Variants in RBFOX1 observed in about 807,000 individuals in gnomAD.
RBFOX1 encodes RNA binding fox-1 homolog 1.
Under a neutral mutation model 57.7 loss-of-function variants are expected in RBFOX1, and 8 were observed. That is an observed-to-expected ratio of 0.14 (90% confidence interval 0.08 to 0.25). The LOEUF (loss-of-function observed/expected upper bound fraction) is 0.25. Among genes scored for constraint, RBFOX1 ranks in the 10% least tolerant of loss-of-function variants. The pLI is 1.00. For missense variants in RBFOX1, 611 were observed against 548.5 expected (o/e 1.11, Z -1.14); for synonymous variants, 326 against 222.4 (o/e 1.47, Z -4.15).
At chr16:7,181,370 T>C (rs962296637) in intron 4 of RBFOX1, among the ~76,000 whole-genome samples, 2 of 152,168 alleles carry the variant, frequency 1.3e-5, no homozygotes, top group African/African-American at 4.8e-5. Context: ...TTTCCCTACC[T>C]TGTAATATTT....
At chr16:6,975,042 A>C (rs955775948) in intron 3 of RBFOX1, among the ~76,000 whole-genome samples, 1 of 152,056 alleles carries the variant, frequency 6.6e-6, no homozygotes, top group African/African-American at 2.4e-5. Context: ...TTTTCTTTTG[A>C]TCCAATTGTT....
At chr16:6,142,795 C>G (rs2096728891) in intron 1 of RBFOX1, among the ~76,000 whole-genome samples, 1 of 152,196 alleles carries the variant, frequency 6.6e-6, no homozygotes, top group African/African-American at 2.4e-5. Context: ...CTGTTAGTAG[C>G]TGAGATCTCC....
chr16:7,485,372 C>T (rs1194249591), intron 4 of RBFOX1, among the ~76,000 whole-genome samples: 1 of 152,246 alleles, frequency 6.6e-6, no homozygotes, highest in Non-Finnish European at 1.5e-5. Flanking sequence ...TTCCCATCCT[C>T]TGCAGTTTAC....
intron 2 of RBFOX1, among the ~76,000 whole-genome samples, chr16:6,651,189 A>G (rs940836092): frequency 3.9e-5 from 6 of 152,114 alleles, no homozygotes; most frequent in African/African-American, 1.4e-4. Context: ...GGCGTGAGCC[A>G]CCACACCCGG....
At chr16:5,288,610 A>G (rs1596403429) in intron 1 of RBFOX1, among the ~76,000 whole-genome samples, 1 of 141,000 alleles carries the variant, frequency 7.1e-6, no homozygotes, top group South Asian at 2.4e-4. Context: ...TGGCAGCCCC[A>G]CATCTTGTTT....
intron 3 of RBFOX1, among the ~76,000 whole-genome samples, chr16:5,688,220 T>A (rs1377188695): frequency 6.6e-6 from 1 of 152,232 alleles, no homozygotes; most frequent in African/African-American, 2.4e-5. Context: ...TGCTGCTAAG[T>A]AGAATTTCAT....
At chr16:6,930,444 C>G (rs547598138) in intron 3 of RBFOX1, among the ~76,000 whole-genome samples, 50 of 152,276 alleles carry the variant, frequency 3.3e-4, no homozygotes, top group African/African-American at 1.2e-3. Flanking sequence ...CAGTCTCACT[C>G]TGTCACCCAG....
rs570272359 is a variant in RBFOX1 at position 6,454,421 on chromosome 16, G to A, written c.-64+137364G>A. On this transcript the variant is annotated intron_variant, in intron 2 of 15. Transcript: ENST00000550418. ...AAAATACAAAAATTAGCTGGGTGTG[G>A]TGGTATGTGCCTGTGGTCCCAGCTA... 5.9e-5 allele frequency among the ~76,000 whole-genome samples: 9 copies of A among 152,220 alleles called. No individual in the cohort carries two copies. In the South Asian group the frequency reaches 1.9e-3, roughly 32 times the overall value.
At chr16:5,962,394 G>A (rs1567195963) in intron 4 of RBFOX1, among the ~76,000 whole-genome samples, 1 of 152,044 alleles carries the variant, frequency 6.6e-6, no homozygotes, top group Non-Finnish European at 1.5e-5. Context: ...AGCACTCAGG[G>A]GACCTTCTTT....
At chr16:6,993,505 A>G (rs2091825478) in intron 3 of RBFOX1, among the ~76,000 whole-genome samples, 1 of 152,130 alleles carries the variant, frequency 6.6e-6, no homozygotes, top group South Asian at 2.1e-4. Context: ...GAAGAAACGG[A>G]ATCTGTGATC....
chr16:7,107,022 G>A (rs139772248), intron 4 of RBFOX1, among the ~76,000 whole-genome samples: 1 of 125,042 alleles, frequency 8.0e-6, no homozygotes, highest in East Asian at 2.5e-4. Flanking sequence ...ATGAACAAAT[G>A]CATAATTGCA....
chr16:5,897,186 C>A (rs1359555432), intron 4 of RBFOX1, among the ~76,000 whole-genome samples: 4 of 151,954 alleles, frequency 2.6e-5, no homozygotes, highest in African/African-American at 9.7e-5. Flanking sequence ...CAGGCGCCCG[C>A]CACCGCGCCC....
intron 2 of RBFOX1, among the ~76,000 whole-genome samples, chr16:5,565,465 A>G (rs1311107950): frequency 6.6e-6 from 1 of 151,958 alleles, no homozygotes; most frequent in Non-Finnish European, 1.5e-5. Flanking sequence ...GTGTCTACTA[A>G]AAATACAAAA....
At chr16:6,723,184 A>C (rs1340856475) in intron 3 of RBFOX1, among the ~76,000 whole-genome samples, 1 of 152,190 alleles carries the variant, frequency 6.6e-6, no homozygotes, top group Non-Finnish European at 1.5e-5. Context: ...AGTGTAATAT[A>C]GTGGATAAAA....
intron 3 of RBFOX1, among the ~76,000 whole-genome samples, chr16:6,767,075 C>G (rs894504755): frequency 3.9e-5 from 6 of 152,222 alleles, no homozygotes; most frequent in African/African-American, 1.2e-4. Flanking sequence ...GTATCCATTT[C>G]CTCATCCTGT....
intron 11 of RBFOX1, among the ~76,000 whole-genome samples, chr16:7,631,187 G>GAGC (rs1327970871): frequency 6.6e-6 from 1 of 151,908 alleles, no homozygotes; most frequent in African/African-American, 2.4e-5. Context: ...GGAGGAGGAG[G>GAGC]AGCAGAGAGA....
chr16:6,489,830 G>A (rs149176601), intron 2 of RBFOX1, among the ~76,000 whole-genome samples: 15 of 152,286 alleles, frequency 9.8e-5, no homozygotes, highest in Non-Finnish European at 1.8e-4. Context: ...CAGCAAAAAA[G>A]CCACCAAAGG....
Position 7,549,780 on chromosome 16 carries a change from TTGTACGTGG to T in RBFOX1, c.271-29996_271-29988del, listed in dbSNP as rs1193701834. On this transcript the variant is annotated intron_variant, in intron 5 of 15. Coordinates refer to ENST00000550418, the MANE Select transcript of RBFOX1 (RefSeq NM_018723.4). ...CTGATTAGATTTGTGTCCACTCAGATTGTACGTGGGTCTGCCTTTCCCAGTCCACTGACT... is the reference window on the plus strand; with the variant it reads ...CTGATTAGATTTGTGTCCACTCAGATGTCTGCCTTTCCCAGTCCACTGACT... Among the ~76,000 whole-genome samples the T allele has an allele frequency of 2.6e-5, 4 of 152,294 alleles. No homozygotes were observed. The East Asian group carries it at 5.8e-4, about 22-fold the overall frequency.
chr16:7,428,087 G>T (rs11865020), intron 4 of RBFOX1, among the ~76,000 whole-genome samples: 9,916 of 152,118 alleles, frequency 0.065, 486 homozygotes, highest in African/African-American at 0.14. Context: ...CCTCCAGGAG[G>T]CCCCAGCTGC....
Sources: allele counts gnomAD v4.1 joint callset (sites outside exome capture counted in the v4.1 genomes callset), GRCh38; gene constraint gnomAD v4.1.1; transcripts MANE v1.5; gene names NCBI Gene and HGNC (gene_info 2026-07-23, HGNC 2026-07-21).